EYS: variants seen among roughly 807,000 people sequenced by gnomAD.
EYS encodes protein eyes shut homolog.
Under a neutral mutation model 282.1 loss-of-function variants are expected in EYS, and 250 were observed. That is an observed-to-expected ratio of 0.89 (90% confidence interval 0.80 to 0.98). The LOEUF (loss-of-function observed/expected upper bound fraction) is 0.98, where lower values mean the gene tolerates loss of function less well. EYS is among the 50% of genes least tolerant of loss of function. The probability of loss-of-function intolerance (pLI) is 0.00; values close to 1 mark genes in which losing one functional copy is unlikely to be tolerated. For synonymous variants in EYS, 1,355 were observed against 1,282.9 expected, an observed-to-expected ratio of 1.06 and a Z score of -1.20; for missense variants, 4,016 against 3,709.0, an observed-to-expected ratio of 1.08 and a Z score of -2.15.
chr6:64,026,411 T>C (rs547248349), intron 33 of EYS, among the ~76,000 whole-genome samples: 11 of 152,262 alleles, frequency 7.2e-5, no homozygotes, highest in African/African-American at 2.6e-4. Flanking sequence ...TCCTAAGCCA[T>C]TGGGACCAAT....
chr6:65,279,642 A>C (rs935601275), intron 12 of EYS, among the ~76,000 whole-genome samples: 29 of 152,316 alleles, frequency 1.9e-4, no homozygotes, highest in African/African-American at 6.7e-4. Context: ...TGTTGGGTGA[A>C]TATATGAATG....
chr6:63,985,939 C>T lies in EYS; in HGVS notation c.6835-1336G>A, dbSNP rs544320445. Among the ~76,000 whole-genome samples the T allele has an allele frequency of 7.9e-5, 12 of 151,822 alleles. No individual in the cohort carries two copies. The East Asian group carries it at 1.9e-3, about 25-fold the overall frequency. On this transcript the variant is annotated intron_variant, in intron 34 of 42. Coordinates refer to ENST00000503581, the MANE Select transcript of EYS (RefSeq NM_001142800.2). ...AATTGACTAGTGGGATCTAATTAAA[C>T]GTGAGAACTTCTGCACAGCAAAAGA...
intron 41 of EYS, among the ~76,000 whole-genome samples, chr6:63,737,435 AGC>A (rs1215745066): frequency 3.4e-4 from 52 of 152,268 alleles, no homozygotes; most frequent in African/African-American, 1.2e-3. Context: ...CCAGGGATGA[AGC>A]CCACTTGATC....
intron 22 of EYS, among the ~76,000 whole-genome samples, chr6:64,693,221 T>G (rs1320922072): frequency 6.6e-6 from 1 of 151,878 alleles, no homozygotes; most frequent in East Asian, 1.9e-4. Context: ...GACTTAATTT[T>G]TTTCATTTTA....
chr6:65,148,751 C>T (rs1764541814), intron 12 of EYS, among the ~76,000 whole-genome samples: 1 of 152,088 alleles, frequency 6.6e-6, no homozygotes, highest in Non-Finnish European at 1.5e-5. Flanking sequence ...CTGCAGCAAA[C>T]TTCAGCCTGG....
At chr6:65,506,735 G>C (rs1342959170) in intron 2 of EYS, among the ~76,000 whole-genome samples, 1 of 151,522 alleles carries the variant, frequency 6.6e-6, no homozygotes, top group African/African-American at 2.4e-5. Flanking sequence ...GCTTCACAAA[G>C]TGCTGGGATT....
intron 13 of EYS, among the ~76,000 whole-genome samples, chr6:65,037,306 T>C (rs1356268784): frequency 6.6e-6 from 1 of 151,712 alleles, no homozygotes; most frequent in Non-Finnish European, 1.5e-5. Flanking sequence ...GAGGACCTAC[T>C]TGAAGGTCAA....
intron 22 of EYS, among the ~76,000 whole-genome samples, chr6:64,750,730 A>G (rs1003046319): frequency 2.6e-5 from 4 of 152,214 alleles, no homozygotes; most frequent in Non-Finnish European, 5.9e-5. Flanking sequence ...AAATAGCAAG[A>G]TAATGCATAG....
chr6:65,079,112 T>A (rs901087325), intron 12 of EYS, among the ~76,000 whole-genome samples: 1 of 152,050 alleles, frequency 6.6e-6, no homozygotes, highest in Non-Finnish European at 1.5e-5. Flanking sequence ...AATGCAAGAA[T>A]AGCCTATTAC....
chr6:64,406,098 G>A (rs1443552552), intron 28 of EYS, among the ~76,000 whole-genome samples: 2 of 152,110 alleles, frequency 1.3e-5, no homozygotes, highest in Non-Finnish European at 2.9e-5. Context: ...CATGGTACTG[G>A]TAGCAAAACA....
intron 12 of EYS, among the ~76,000 whole-genome samples, chr6:65,275,641 G>A (rs573723922): frequency 1.3e-5 from 2 of 152,262 alleles, no homozygotes; most frequent in Admixed American, 6.5e-5. Context: ...ATCATATATG[G>A]ATTCATGGGC....
chr6:64,659,569 A>T (rs1235982701), intron 22 of EYS, among the ~76,000 whole-genome samples: 4 of 152,132 alleles, frequency 2.6e-5, no homozygotes, highest in Admixed American at 6.5e-5. Context: ...CACCGATCCC[A>T]CAGAAATACA....
chr6:63,893,733 T>C (rs1180810393), intron 35 of EYS, among the ~76,000 whole-genome samples: 11 of 152,144 alleles, frequency 7.2e-5, no homozygotes, highest in Non-Finnish European at 1.3e-4. Context: ...ATAATAATAG[T>C]AATAAAAACA....
chr6:65,283,259 C>A (rs1372969614), intron 12 of EYS, among the ~76,000 whole-genome samples: 7 of 151,782 alleles, frequency 4.6e-5, no homozygotes, highest in African/African-American at 1.4e-4. Flanking sequence ...AAGAACAAGT[C>A]TCATTCTGTA....
chr6:65,207,017 G>A (rs553386237), intron 12 of EYS, among the ~76,000 whole-genome samples: 10 of 151,736 alleles, frequency 6.6e-5, no homozygotes, highest in South Asian at 2.1e-4. Flanking sequence ...AGTTGAATTC[G>A]TAGCTAGAGC....
At chr6:65,268,548 C>T (rs924662638) in intron 12 of EYS, among the ~76,000 whole-genome samples, 1 of 151,920 alleles carries the variant, frequency 6.6e-6, no homozygotes, top group African/African-American at 2.4e-5. Context: ...ATCACAAGAG[C>T]AATTCCCTGA....
intron 22 of EYS, among the ~76,000 whole-genome samples, chr6:64,745,015 A>T (rs751398308): frequency 2.0e-4 from 30 of 152,170 alleles, no homozygotes; most frequent in Non-Finnish European, 2.6e-4. Flanking sequence ...AAGCAGCATG[A>T]GGGGAAACAG....
intron 22 of EYS, among the ~76,000 whole-genome samples, chr6:64,791,818 T>C (rs763008437): frequency 3.3e-5 from 5 of 151,934 alleles, no homozygotes. Flanking sequence ...TTCCAGAATG[T>C]CATTTAAATT....
At chr6:64,787,658 A>T (rs1420371143) in intron 22 of EYS, among the ~76,000 whole-genome samples, 1 of 150,556 alleles carries the variant, frequency 6.6e-6, no homozygotes, top group Non-Finnish European at 1.5e-5. Flanking sequence ...TTTCTGAAAT[A>T]TTAAGAATCA....
Sources: gnomAD v4.1 joint callset for allele counts (sites outside exome capture counted in the v4.1 genomes callset) on GRCh38, gnomAD v4.1.1 for gene constraint, MANE v1.5 for transcripts, NCBI Gene and HGNC (gene_info 2026-07-23, HGNC 2026-07-21) for gene names.